The following ACOT2 variants were observed in gnomAD, a reference collection of about 807,000 sequenced individuals.
ACOT2 encodes the protein acyl-coenzyme A thioesterase 2, mitochondrial.
Under a neutral mutation model 20.1 loss-of-function variants are expected in ACOT2, and 15 were observed. That is an observed-to-expected ratio of 0.75 (90% CI 0.50 to 1.15). The LOEUF (loss-of-function observed/expected upper bound fraction) is 1.15. ACOT2 is among the 50% of genes most tolerant of loss of function. The pLI, the probability that ACOT2 is intolerant of heterozygous loss-of-function variation, is 0.00. For synonymous variants in ACOT2, 252 were observed against 268.4 expected (o/e 0.94, Z 0.60); for missense variants, 479 against 615.3 (o/e 0.78, Z 2.34).
chr14:73,570,486 G>T (rs548166581), intron 1 of ACOT2, among the ~76,000 whole-genome samples: 1 of 151,858 alleles, frequency 6.6e-6, no homozygotes, highest in Admixed American at 6.6e-5. Flanking sequence ...GGAGAATGGT[G>T]TGAACCCGGG....
chr14:73,574,788 G>A lies in ACOT2; in HGVS notation c.847-120G>A. 5.8e-6 allele frequency: 9 copies of A among 1,545,950 alleles called. 1 individual carries two copies. The South Asian group carries it at 8.4e-5, about 14-fold the overall frequency. ...GTAAATTCTCAAAGTTGCAAATCTG[G>A]GTAAATGGTAGAACCTAGATTCAGA... On this transcript the variant is annotated intron_variant, in intron 2 of 2. Transcript: ENST00000238651.
chr14:73,569,655 C>T lies in ACOT2; in HGVS notation c.415C>T (p.Pro139Ser), dbSNP rs764707471. The T allele has an allele frequency of 3.1e-6, 5 of 1,606,008 alleles. No individual in the cohort carries two copies. Among genetic ancestry groups the T allele is most frequent in the Non-Finnish European group, 2.5e-6 (3 of 1,177,640 alleles). Reference protein sequence around the residue: ...ALGGSFAGLEPMGLLWALEPE... With the variant: ...ALGGSFAGLESMGLLWALEPE... Reference sequence around the variant, plus strand: ...GGGCGGCAGCTTCGCGGGGCTTGAGCCCATGGGGCTGCTCTGGGCCTTGGA... The same window carrying T: ...GGGCGGCAGCTTCGCGGGGCTTGAGTCCATGGGGCTGCTCTGGGCCTTGGA... Residue 139 changes from proline (P) to serine (S), a missense_variant, in exon 1 of 3, where the codon CCC becomes TCC. Transcript: ENST00000238651.
chr14:73,569,415 G>A lies in ACOT2; in HGVS notation c.175G>A (p.Val59Ile), dbSNP rs2140329646. ...GAGGCAGGTTGGTCAGATCATTAGG[G>A]TTCCTGCTCGGATGGCGGCGACGCT... ...QLRQVGQIIR[V>I]PARMAATLIL... Residue 59 changes from valine to isoleucine, a missense_variant, in exon 1 of 3, where the codon GTT (valine) becomes ATT (isoleucine). By Grantham distance (29) the Val-to-Ile change is conservative. This residue lies in a region of ACOT2 where 400 missense variants were observed against 395.5 expected (regional missense o/e 1.01). Transcript: ENST00000238651. 6.2e-7 allele frequency: 1 copy of A among 1,613,974 alleles called. No individual in the cohort carries two copies. Among genetic ancestry groups the A allele is most frequent in the Non-Finnish European group, 8.5e-7 (1 of 1,179,808 alleles).
At chr14:73,570,867 T>C (rs1200376014) in intron 1 of ACOT2, among the ~76,000 whole-genome samples, 2 of 149,738 alleles carry the variant, frequency 1.3e-5, no homozygotes, top group African/African-American at 4.9e-5. Context: ...ATCATGCCAT[T>C]GCACTCCAGC....
rs551631359 is a variant in ACOT2 at position 73,573,603 on chromosome 14, T to C, written c.846+13T>C. The C allele has an allele frequency of 1.9e-5, 30 of 1,613,402 alleles. No homozygotes were observed. The highest frequency in any genetic ancestry group is 1.6e-4 in the Middle Eastern group (1 of 6,062). On this transcript the variant is annotated intron_variant, in intron 2 of 2. Coordinates refer to ENST00000238651, the MANE Select transcript of ACOT2 (RefSeq NM_006821.6). Reference sequence around the variant, plus strand: ...CAGTCATCCCGAGGTTAGTTCTTCTTTCAGATTTATGGGCTATGATGTATC... The same window carrying C: ...CAGTCATCCCGAGGTTAGTTCTTCTCTCAGATTTATGGGCTATGATGTATC...
chr14:73,569,003 G>T, upstream of ACOT2: 2 of 545,286 alleles, frequency 3.7e-6, no homozygotes, highest in South Asian at 5.2e-5. Flanking sequence ...CTAGCTGCCT[G>T]GTTCTTTAAG....
At chr14:73,570,897 C>A (rs1333936057) in intron 1 of ACOT2, among the ~76,000 whole-genome samples, 3 of 91,114 alleles carry the variant, frequency 3.3e-5, no homozygotes, top group African/African-American at 9.0e-5. Flanking sequence ...AAGAGTGACT[C>A]TATCTTAAAA....
At chr14:73,567,627 G>C (rs1033538179), upstream of ACOT2, 16 of 152,074 alleles carry the variant, frequency 1.1e-4, no homozygotes, top group African/African-American at 3.9e-4. Context: ...GGTAACCTGC[G>C]TGAGTTCCGC....
chr14:73,570,859 C>A (rs1889720636), intron 1 of ACOT2, among the ~76,000 whole-genome samples: 1 of 147,792 alleles, frequency 6.8e-6, no homozygotes, highest in Admixed American at 6.8e-5. Context: ...GAGCTGAGAT[C>A]ATGCCATTGC....
chr14:73,570,526 G>A (rs1383444737), intron 1 of ACOT2, among the ~76,000 whole-genome samples: 4 of 151,864 alleles, frequency 2.6e-5, no homozygotes, highest in Non-Finnish European at 4.4e-5. Flanking sequence ...CTGAGATCGC[G>A]CCACTGCACT....
upstream of ACOT2, chr14:73,567,946 G>C (rs950706001): frequency 6.6e-6 from 1 of 152,072 alleles, no homozygotes; most frequent in Non-Finnish European, 1.5e-5. Flanking sequence ...ACAAACTCCA[G>C]ACACACTACT....
At chr14:73,570,247 A>C (rs1889697878) in intron 1 of ACOT2, among the ~76,000 whole-genome samples, 1 of 151,704 alleles carries the variant, frequency 6.6e-6, no homozygotes, top group Non-Finnish European at 1.5e-5. Flanking sequence ...CAAAACTGAG[A>C]GGTCCCTCAA....
At chr14:73,569,182 C>A (rs1206277364), upstream of ACOT2, 11 of 1,581,958 alleles carry the variant, frequency 7.0e-6, 1 homozygote, top group Non-Finnish European at 9.5e-6. Flanking sequence ...CTTCCCCGCT[C>A]ACGTTAGCAG....
At chr14:73,570,123 T>TC (rs1555396328) in intron 1 of ACOT2, among the ~76,000 whole-genome samples, 21,024 of 150,214 alleles carry the variant, frequency 0.14, 2,219 homozygotes, top group Non-Finnish European at 0.21. Flanking sequence ...TTTTTTTTTT[T>TC]CCGTCCCTGC....
At chr14:73,574,024 C>G (rs1889823964) in intron 2 of ACOT2, among the ~76,000 whole-genome samples, 2 of 124,268 alleles carry the variant, frequency 1.6e-5, no homozygotes, top group Admixed American at 9.2e-5. Flanking sequence ...CTATGCCCAG[C>G]CTAATATTTG....
intron 1 of ACOT2, among the ~76,000 whole-genome samples, chr14:73,570,326 T>G (rs1889700221): frequency 6.6e-6 from 1 of 151,502 alleles, no homozygotes; most frequent in Non-Finnish European, 1.5e-5. Flanking sequence ...TCCCAGCACT[T>G]TGGGAAGTCT....
chr14:73,573,532 A>G lies in ACOT2; in HGVS notation c.788A>G (p.Glu263Gly). 6.2e-7 allele frequency: 1 copy of G among 1,613,554 alleles called. No homozygotes were observed. Among genetic ancestry groups the G allele is most frequent in the Non-Finnish European group, 8.5e-7 (1 of 1,179,674 alleles). ...YNYEDLPKTM[E>G]TLHLEYFEEA... The stretch of plus-strand genomic sequence containing the variant: ...TATGAAGACCTCCCCAAGACCATGG[A>G]GACGCTCCATCTGGAGTACTTTGAA... The change falls in exon 2 of 3, where the codon GAG becomes GGG. Residue 263 changes from glutamate (E) to glycine (G), a missense_variant. Physicochemically the swap from Glu to Gly is moderately conservative, Grantham distance 98. This residue lies in a region of ACOT2 where 400 missense variants were observed against 395.5 expected (regional missense o/e 1.01). Coordinates refer to ENST00000238651, the MANE Select transcript of ACOT2 (RefSeq NM_006821.6).
In ACOT2 at chr14:73,569,600, C is replaced by G. The variant is rs750003484; in HGVS notation, c.360C>G (p.Gly120=). 57 of 1,601,228 alleles carry G rather than the reference C, an allele frequency of 3.6e-5. 1 individual carries two copies. Among genetic ancestry groups the G allele is most frequent in the South Asian group, 1.1e-5 (1 of 90,356 alleles). ...AHARYRADTL[G]ELDLERAPAL... ...CGCGCTACCGCGCCGACACTCTTGG[C>G]GAGCTGGACCTGGAGCGCGCGCCCG... The change falls in exon 1 of 3, where the codon GGC becomes GGG. Residue 120 remains glycine, a synonymous_variant. Transcript: ENST00000238651.
In ACOT2 at chr14:73,569,302, T is replaced by C. The variant is rs1178565984; in HGVS notation, c.62T>C (p.Met21Thr). 7 of 1,613,832 alleles carry C rather than the reference T, an allele frequency of 4.3e-6. No homozygotes were observed. Among genetic ancestry groups the C allele is most frequent in the East Asian group, 2.2e-5 (1 of 44,906 alleles). Residue 21 changes from methionine to threonine, a missense_variant, in exon 1 of 3, where the codon ATG becomes ACG. Transcript: ENST00000238651. ...HSVVLRSEFKMASSPAVLRAS... is the reference protein window; with the variant it reads ...HSVVLRSEFKTASSPAVLRAS... ...GTTGTTCTCAGGTCTGAATTCAAAA[T>C]GGCCTCATCTCCTGCTGTCCTTCGA...
Sources: allele counts gnomAD v4.1 joint callset (sites outside exome capture counted in the v4.1 genomes callset), GRCh38; gene constraint gnomAD v4.1.1; regional missense constraint gnomAD v4.1.1; transcripts MANE v1.5; gene names NCBI Gene and HGNC (gene_info 2026-07-23, HGNC 2026-07-21).